Variants in ZNF622 observed in about 807,000 individuals in gnomAD.
The protein encoded by ZNF622 is zinc finger protein 622.
In ZNF622, 34 loss-of-function variants were observed where a neutral mutation model predicts 49.7. The observed-to-expected ratio is 0.68, with a 90% confidence interval of 0.52 to 0.91. ZNF622 has a LOEUF of 0.91. Ranked by LOEUF, ZNF622 falls within the 40% of genes least tolerant of loss-of-function variation. The probability of loss-of-function intolerance (pLI) is 0.00; values close to 1 mark genes in which losing one functional copy is unlikely to be tolerated. For synonymous variants in ZNF622, 209 were observed against 228.7 expected (o/e 0.91, Z 0.78); for missense variants, 569 against 616.4 (o/e 0.92, Z 0.81).
chr5:16,455,317 CA>C (rs1561068256), intron 4 of ZNF622, among the ~76,000 whole-genome samples: 1 of 152,156 alleles, frequency 6.6e-6, no homozygotes. Context: ...TTTCAATTTG[CA>C]TAAGAAAATT....
chr5:16,456,514 G>A (rs938895698), intron 4 of ZNF622, among the ~76,000 whole-genome samples: 2 of 152,202 alleles, frequency 1.3e-5, no homozygotes, highest in African/African-American at 2.4e-5. Context: ...AGCAGCAGGG[G>A]AGAGACTCTT....
intron 4 of ZNF622, among the ~76,000 whole-genome samples, chr5:16,454,488 C>CA (rs34774848): frequency 0.047 from 3,090 of 66,434 alleles, 241 homozygotes; most frequent in African/African-American, 0.17. Context: ...ACTCCGTCTC[C>CA]AAAAAAAAAA....
chr5:16,462,317 G>A (rs1579565876), intron 3 of ZNF622, among the ~76,000 whole-genome samples: 1 of 152,156 alleles, frequency 6.6e-6, no homozygotes. Flanking sequence ...ACAACTAGTT[G>A]TTCACAAGTA....
chr5:16,452,256 G>A (rs538740369), intron 5 of ZNF622, among the ~76,000 whole-genome samples: 1 of 152,266 alleles, frequency 6.6e-6, no homozygotes, highest in East Asian at 1.9e-4. Context: ...GCCATCAGAA[G>A]GCAGCCCGCC....
intron 3 of ZNF622, among the ~76,000 whole-genome samples, chr5:16,462,335 T>C (rs1738132355): frequency 1.3e-5 from 2 of 152,178 alleles, no homozygotes; most frequent in South Asian, 2.1e-4. Context: ...GTACTTAACA[T>C]ACATTTGCTA....
chr5:16,457,494 C>T (rs548580911), intron 4 of ZNF622, among the ~76,000 whole-genome samples: 4 of 152,222 alleles, frequency 2.6e-5, no homozygotes, highest in Non-Finnish European at 5.9e-5. Flanking sequence ...CTTCTTATCA[C>T]TGTAGAAAGA....
At chr5:16,456,089 C>T (rs1348350571) in intron 4 of ZNF622, among the ~76,000 whole-genome samples, 2 of 152,130 alleles carry the variant, frequency 1.3e-5, no homozygotes, top group South Asian at 2.1e-4. Context: ...AGACCATCCA[C>T]TCCTTTTTTT....
chr5:16,463,106 A>G lies in ZNF622; in HGVS notation c.1049+2T>C. The G allele has an allele frequency of 6.3e-7, 1 of 1,598,348 alleles. No individual in the cohort carries two copies. Among genetic ancestry groups the G allele is most frequent in the Middle Eastern group, 1.7e-4 (1 of 5,970 alleles). On this transcript the variant is annotated splice_donor_variant, in intron 3 of 5. Transcript: ENST00000308683. LOFTEE classifies it high-confidence loss of function. The surrounding 1 kb of genome is among the most constrained non-coding windows in gnomAD (Gnocchi z 4.2). The stretch of plus-strand genomic sequence containing the variant: ...TTACTTCATATTACAAACTATGCTT[A>G]CCTAAAATCATAGAAGTCTGCAAAT...
Position 16,463,392 on chromosome 5 carries a change from T to G in ZNF622, c.886+90A>C, listed in dbSNP as rs1579566490. The G allele has an allele frequency of 6.7e-7, 1 of 1,502,862 alleles. No individual in the cohort carries two copies. The highest frequency in any genetic ancestry group is 1.3e-5 in the South Asian group (1 of 75,688). The allele number at this position is 1,502,862 out of a possible 1,614,324, so 93.1% of individuals were successfully genotyped here. A position where few individuals can be genotyped will look rare whatever the true frequency, so the allele number is the denominator to read the frequency against. On this transcript the variant is annotated intron_variant, in intron 2 of 5. Transcript: ENST00000308683. The surrounding 1 kb of genome is among the most constrained non-coding windows in gnomAD (Gnocchi z 4.2). ...ATAACCAAGCAATTATATCAAAGAT[T>G]GATGAAAAATGCAAAACTAATGTTC...
At chr5:16,457,767 G>C (rs996403845) in intron 4 of ZNF622, among the ~76,000 whole-genome samples, 3 of 152,160 alleles carry the variant, frequency 2.0e-5, no homozygotes, top group African/African-American at 7.2e-5. Flanking sequence ...TGCTGATTAG[G>C]CATGTGATCC....
rs538130507 is a variant in ZNF622 at position 16,454,316 on chromosome 5, T to C, written c.1163-1160A>G. 1.1e-4 allele frequency among the ~76,000 whole-genome samples: 16 copies of C among 151,856 alleles called. No homozygotes were observed. In the East Asian group the frequency reaches 2.9e-3, roughly 28 times the overall value. On this transcript the variant is annotated intron_variant, in intron 4 of 5. Coordinates refer to ENST00000308683, the MANE Select transcript of ZNF622 (RefSeq NM_033414.3). ...TCCTGGCTAACACGGTGAAACCCCA[T>C]CTCTACTAAAAGCACAAAAAAATTA...
At chr5:16,464,909 AAACC>A in intron 1 of ZNF622, 128 bp downstream of exon 1, 2 of 1,323,112 alleles carry the variant, frequency 1.5e-6, no homozygotes, top group Non-Finnish European at 2.1e-6. Context: ...GAAAGCGTCT[AAACC>A]ACCTTCCCTC....
intron 3 of ZNF622, among the ~76,000 whole-genome samples, chr5:16,462,194 G>A (rs925598537): frequency 6.6e-6 from 1 of 152,158 alleles, no homozygotes; most frequent in Non-Finnish European, 1.5e-5. Context: ...AATGCAAAAG[G>A]AAGACTTAAA....
chr5:16,458,726 C>A, intron 3 of ZNF622, 97 bp from the exon 4 acceptor site: 1 of 816,644 alleles, frequency 1.2e-6, no homozygotes, highest in Non-Finnish European at 1.9e-6. Context: ...TCCTAAGCTA[C>A]CTAAAAGGGA....
intron 4 of ZNF622, among the ~76,000 whole-genome samples, chr5:16,455,427 T>G (rs1738010622): frequency 6.6e-6 from 1 of 152,256 alleles, no homozygotes; most frequent in Admixed American, 6.5e-5. Flanking sequence ...GTTGCTTGTT[T>G]TATCATCATA....
Position 16,463,598 on chromosome 5 carries a change from C to A in ZNF622, c.770G>T (p.Cys257Phe), listed in dbSNP as rs2126495321. Residue 257 changes from cysteine (C) to phenylalanine (F), a missense_variant, in exon 2 of 6, where the codon TGT (cysteine) becomes TTT (phenylalanine). Cys to Phe is a radical substitution (Grantham distance 205). Coordinates refer to ENST00000308683, the MANE Select transcript of ZNF622 (RefSeq NM_033414.3). The surrounding 1 kb of genome is among the most constrained non-coding windows in gnomAD (Gnocchi z 4.2). ...GAIPITDCLFCSHHSSSLMKN... is the reference protein window; with the variant it reads ...GAIPITDCLFFSHHSSSLMKN... ...CATCAGCGAGCTGGAATGATGGGAACAAAATAAGCAGTCCGTGATAGGGAT... is the reference window on the plus strand; with the variant it reads ...CATCAGCGAGCTGGAATGATGGGAAAAAAATAAGCAGTCCGTGATAGGGAT... 1 of 1,614,184 alleles carries A rather than the reference C, an allele frequency of 6.2e-7. No homozygotes were observed. Among genetic ancestry groups the A allele is most frequent in the East Asian group, 2.2e-5 (1 of 44,878 alleles).
intron 5 of ZNF622, among the ~76,000 whole-genome samples, chr5:16,452,329 C>T (rs1320732123): frequency 1.3e-5 from 2 of 152,176 alleles, no homozygotes; most frequent in East Asian, 3.9e-4. Context: ...AGGATATAAC[C>T]AGCTTCATCC....
Position 16,465,432 on chromosome 5 carries a change from A to C in ZNF622, c.234T>G (p.Ser78=), listed in dbSNP as rs1738202970. ...YCTVCSKKFA[S]FNAYENHLKS... The stretch of plus-strand genomic sequence containing the variant: ...TGAGGTGGTTCTCGTAGGCGTTGAA[A>C]GAGGCAAACTTCTTACTGCAAACGG... Residue 78 remains serine, a synonymous_variant, in exon 1 of 6, where the codon TCT becomes TCG. Transcript: ENST00000308683. This position sits in a 1 kb window ranked among gnomAD's most constrained non-coding sequence, Gnocchi z 6.2. 1 of 1,614,116 alleles carries C rather than the reference A, an allele frequency of 6.2e-7. No homozygotes were observed. Among genetic ancestry groups the C allele is most frequent in the African/African-American group, 1.3e-5 (1 of 74,952 alleles).
intron 4 of ZNF622, among the ~76,000 whole-genome samples, chr5:16,453,562 T>C (rs1737969692): frequency 3.8e-5 from 4 of 104,048 alleles, no homozygotes; most frequent in Non-Finnish European, 1.9e-5. Flanking sequence ...ATAAAAATTA[T>C]ATATATATAT....
Sources: allele counts gnomAD v4.1 joint callset (sites outside exome capture counted in the v4.1 genomes callset), GRCh38; gene constraint gnomAD v4.1.1; non-coding constraint Gnocchi (gnomAD v3.1); transcripts MANE v1.5; gene names NCBI Gene and HGNC (gene_info 2026-07-23, HGNC 2026-07-21).